Variants in NEK10 observed in about 807,000 individuals in gnomAD.
NEK10 encodes the protein serine/threonine-protein kinase Nek10.
In NEK10, 122 loss-of-function variants were observed where a neutral mutation model predicts 159.8. The observed-to-expected ratio is 0.76, with a 90% confidence interval of 0.66 to 0.89. The LOEUF (loss-of-function observed/expected upper bound fraction) is 0.89. Among genes scored for constraint, NEK10 ranks in the 40% least tolerant of loss-of-function variants. The pLI, the probability that NEK10 is intolerant of heterozygous loss-of-function variation, is 0.00. For synonymous variants in NEK10, 466 were observed against 457.1 expected (o/e 1.02, Z -0.25); for missense variants, 1,342 against 1,323.1 (o/e 1.01, Z -0.22).
At chr3:27,127,732 G>A (rs1409378683) in intron 32 of NEK10, among the ~76,000 whole-genome samples, 3 of 151,946 alleles carry the variant, frequency 2.0e-5, no homozygotes, top group Non-Finnish European at 4.4e-5. Context: ...CAACTTTCTT[G>A]TAAATATATA....
chr3:27,200,930 A>AG (rs1949989283), intron 25 of NEK10, among the ~76,000 whole-genome samples: 1 of 152,202 alleles, frequency 6.6e-6, no homozygotes, highest in African/African-American at 2.4e-5. Context: ...CAGAGAAAAC[A>AG]GAAGGGGAAG....
intron 23 of NEK10, among the ~76,000 whole-genome samples, chr3:27,234,972 C>A (rs1310710972): frequency 1.3e-5 from 2 of 152,028 alleles, no homozygotes; most frequent in African/African-American, 2.4e-5. Context: ...ACACCTACAA[C>A]CATCTGATGT....
chr3:27,285,101 TG>T, intron 20 of NEK10, 140 bp from the exon 21 acceptor site: 2 of 657,160 alleles, frequency 3.0e-6, no homozygotes, highest in Non-Finnish European at 2.5e-6. Flanking sequence ...TGCTAAAATA[TG>T]GATCCACTCA....
At chr3:27,179,372 C>T (rs548816603) in intron 26 of NEK10, among the ~76,000 whole-genome samples, 31 of 152,188 alleles carry the variant, frequency 2.0e-4, no homozygotes, top group African/African-American at 6.7e-4. Flanking sequence ...GTCTTAAAAG[C>T]ACTATTACAT....
chr3:27,270,605 G>A lies in NEK10; in HGVS notation c.2014+13997C>T, dbSNP rs76440297. ...CATCATCCGTCCATGCTACTGTGAC[G>A]TCTCACTGAGGCTACTGAGCTATTC... On this transcript the variant is annotated intron_variant, in intron 22 of 35. Transcript: ENST00000691995. Among the ~76,000 whole-genome samples, 15 of 152,162 alleles carry A rather than the reference G, an allele frequency of 9.9e-5. No individual in the cohort carries two copies. In the East Asian group the frequency reaches 1.5e-3, roughly 16 times the overall value.
At chr3:27,125,814 G>C (rs909037575) in intron 32 of NEK10, among the ~76,000 whole-genome samples, 1 of 152,108 alleles carries the variant, frequency 6.6e-6, no homozygotes, top group Non-Finnish European at 1.5e-5. Context: ...TTCCAGCAAG[G>C]ATTGTGTTCC....
chr3:27,273,142 G>T (rs560540616), intron 22 of NEK10, among the ~76,000 whole-genome samples: 36 of 152,248 alleles, frequency 2.4e-4, no homozygotes, highest in Admixed American at 8.5e-4. Flanking sequence ...AGGGAAAATG[G>T]TCTACTGAGG....
intron 9 of NEK10, chr3:27,310,169 TTC>T (rs2044578265): frequency 6.6e-6 from 1 of 152,242 alleles, no homozygotes; most frequent in Non-Finnish European, 1.5e-5. Flanking sequence ...CCTCTTTTTC[TTC>T]TCTCTTTCTT....
intron 23 of NEK10, among the ~76,000 whole-genome samples, chr3:27,218,775 A>G (rs1461428045): frequency 6.6e-6 from 1 of 151,086 alleles, no homozygotes; most frequent in African/African-American, 2.4e-5. Flanking sequence ...TAGTAAATGC[A>G]GACAAGAGCA....
intron 30 of NEK10, among the ~76,000 whole-genome samples, chr3:27,155,762 A>G (rs1945346077): frequency 1.3e-5 from 2 of 152,008 alleles, no homozygotes; most frequent in Non-Finnish European, 2.9e-5. Flanking sequence ...AAATACCACC[A>G]TCATTCTCAC....
At chr3:27,206,461 G>C (rs1260386072) in intron 23 of NEK10, 1 of 307,840 alleles carries the variant, frequency 3.2e-6, no homozygotes, top group African/African-American at 2.3e-5. Flanking sequence ...AGGTAAGGTG[G>C]CAAGTTGCAA....
At chr3:27,346,285 A>T in intron 3 of NEK10, 69 bp from the exon 4 acceptor site, 3 of 1,523,198 alleles carry the variant, frequency 2.0e-6, no homozygotes, top group Non-Finnish European at 2.7e-6. Flanking sequence ...GTAACAAAAT[A>T]TGGGGAGGAT....
chr3:27,249,504 TCTTGA>T (rs1454883753), intron 23 of NEK10, among the ~76,000 whole-genome samples: 1 of 152,190 alleles, frequency 6.6e-6, no homozygotes, highest in Non-Finnish European at 1.5e-5. Context: ...ACAGTTTTTG[TCTTGA>T]AATATATTTT....
At chr3:27,145,802 C>T (rs1442365445) in intron 30 of NEK10, among the ~76,000 whole-genome samples, 1 of 152,054 alleles carries the variant, frequency 6.6e-6, no homozygotes, top group African/African-American at 2.4e-5. Context: ...CCAAAATTCA[C>T]AGGTTGAAAT....
intron 26 of NEK10, among the ~76,000 whole-genome samples, chr3:27,188,863 C>T (rs187261549): frequency 6.6e-6 from 1 of 152,162 alleles, no homozygotes; most frequent in African/African-American, 2.4e-5. Context: ...AAGATATAAG[C>T]AGTAGACTCT....
In NEK10 at chr3:27,314,243, C is replaced by G; in HGVS notation, c.489+54G>C. ...GTCACATACCCTTTTAATTCTTGCT[C>G]ATAGCAGGCACAAAATGAAAAGGCA... On this transcript the variant is annotated intron_variant, in intron 7 of 35. Transcript: ENST00000691995. 3.0e-6 allele frequency: 4 copies of G among 1,318,422 alleles called. No homozygotes were observed. The Admixed American group carries it at 7.5e-5, about 25-fold the overall frequency. The allele number at this position is 1,318,422 out of a possible 1,614,324, so 81.7% of individuals were successfully genotyped here. A position where few individuals can be genotyped will look rare whatever the true frequency, so the allele number is the denominator to read the frequency against.
At chr3:27,195,109 A>T (rs911144311) in intron 25 of NEK10, among the ~76,000 whole-genome samples, 5 of 152,350 alleles carry the variant, frequency 3.3e-5, no homozygotes, top group African/African-American at 9.6e-5. Flanking sequence ...TAATGAGAAG[A>T]TAGTAAAATA....
intron 5 of NEK10, among the ~76,000 whole-genome samples, chr3:27,323,794 T>C (rs758365725): frequency 1.3e-5 from 2 of 152,238 alleles, no homozygotes; most frequent in African/African-American, 4.8e-5. Context: ...ATGATTTAGT[T>C]GCATCCTTCA....
intron 25 of NEK10, among the ~76,000 whole-genome samples, chr3:27,201,049 G>A (rs1341909808): frequency 6.6e-6 from 1 of 152,096 alleles, no homozygotes; most frequent in Admixed American, 6.5e-5. Flanking sequence ...TGGAGCTCCT[G>A]ATTCTCTATG....
Sources: gnomAD v4.1 joint callset for allele counts (sites outside exome capture counted in the v4.1 genomes callset) on GRCh38, gnomAD v4.1.1 for gene constraint, MANE v1.5 for transcripts, NCBI Gene and HGNC (gene_info 2026-07-23, HGNC 2026-07-21) for gene names.